The following PNPLA7 variants were observed in gnomAD, a reference collection of about 807,000 sequenced individuals.
PNPLA7 encodes patatin like domain 7, lysophospholipase.
In PNPLA7, 153 loss-of-function variants were observed where a neutral mutation model predicts 161.7. That is an observed-to-expected ratio of 0.95 (90% CI 0.83 to 1.08). PNPLA7 has a LOEUF of 1.08. Ranked by LOEUF, PNPLA7 falls within the 50% of genes least tolerant of loss-of-function variation. The probability of loss-of-function intolerance (pLI) is 0.00; values close to 1 mark genes in which losing one functional copy is unlikely to be tolerated. For synonymous variants in PNPLA7, 809 were observed against 782.1 expected (o/e 1.03, Z -0.57); for missense variants, 1,739 against 1,856.6 (o/e 0.94, Z 1.16).
In PNPLA7 at chr9:137,510,660, C is replaced by T. The variant is rs547542588; in HGVS notation, c.1226-4577G>A. 5.9e-5 allele frequency among the ~76,000 whole-genome samples: 9 copies of T among 152,298 alleles called. No homozygotes were observed. The South Asian group carries it at 1.2e-3, about 21-fold the overall frequency. On this transcript the variant is annotated intron_variant, in intron 12 of 34. Coordinates refer to ENST00000406427, the MANE Select transcript of PNPLA7 (RefSeq NM_001098537.3). The stretch of plus-strand genomic sequence containing the variant: ...CTGCACATTGGTGGTAGTGGTCCCC[C>T]GGGCCCAGCTGCCTTTTCTCTTATC...
At chr9:137,469,002 C>T (rs1831598911) in intron 25 of PNPLA7, among the ~76,000 whole-genome samples, 1 of 152,058 alleles carries the variant, frequency 6.6e-6, no homozygotes, top group Non-Finnish European at 1.5e-5. Flanking sequence ...CAAGATCGCA[C>T]CATTGCACTC....
chr9:137,461,439 G>C, intron 33 of PNPLA7, 97 bp downstream of exon 33: 2 of 1,292,088 alleles, frequency 1.5e-6, no homozygotes, highest in Non-Finnish European at 2.1e-6. Flanking sequence ...TGGGCGGGAG[G>C]GGAGGCCGTG....
chr9:137,478,441 A>AGTGGGCCC (rs1832046946), intron 24 of PNPLA7: 3 of 304,708 alleles, frequency 9.8e-6, no homozygotes, highest in African/African-American at 2.3e-5. Flanking sequence ...GGGGGCCAGA[A>AGTGGGCCC]GGCATCCTCA....
At chr9:137,470,453 C>T (rs778985712) in intron 25 of PNPLA7, among the ~76,000 whole-genome samples, 6 of 152,106 alleles carry the variant, frequency 3.9e-5, no homozygotes, top group African/African-American at 9.7e-5. Flanking sequence ...CTGAGCGCAG[C>T]GGCTCACACT....
At chr9:137,527,237 C>T (rs1459277688) in intron 8 of PNPLA7, among the ~76,000 whole-genome samples, 4 of 150,758 alleles carry the variant, frequency 2.7e-5, no homozygotes, top group East Asian at 1.9e-4. Context: ...CACTGCACTC[C>T]GGCCTGGGAG....
At position 137,497,267 on chromosome 9, in the gene PNPLA7, G is replaced by A. The variant is rs1488505785; in HGVS notation, c.1933C>T (p.Arg645Trp). 2.5e-6 allele frequency: 4 copies of A among 1,588,186 alleles called. No homozygotes were observed. The highest frequency in any genetic ancestry group is 1.7e-6 in the Non-Finnish European group (2 of 1,168,046). Residue 645 changes from arginine (R) to tryptophan (W), a missense_variant, in exon 18 of 35, where the codon CGG becomes TGG. Physicochemically the swap from Arg to Trp is moderately radical, Grantham distance 101. Around this residue, in one of 6 missense-constraint regions of PNPLA7, gnomAD observed 481 missense variants for 450.0 expected, o/e 1.07. Transcript: ENST00000406427. ...SDCTYIMLSG[R>W]LRSVIRKDDG... ...TCCTTCCGGATCACAGAGCGCAGCC[G>A]GCCGCTGAGCATGATGTACGTGCAG... is the stretch of plus-strand genomic sequence containing the variant.
intron 11 of PNPLA7, among the ~76,000 whole-genome samples, chr9:137,516,160 T>C (rs1588658277): frequency 8.6e-6 from 1 of 116,194 alleles, no homozygotes; most frequent in Middle Eastern, 4.0e-3. Flanking sequence ...GCTGCCCTGA[T>C]TGTCCTGCTG....
chr9:137,550,057 A>G, intron 1 of PNPLA7, 111 bp downstream of exon 1: 1 of 1,356,272 alleles, frequency 7.4e-7, no homozygotes, highest in Non-Finnish European at 1.1e-6. Context: ...GGCGCCAAGA[A>G]GCCACGGGGC....
Position 137,524,394 on chromosome 9 carries a change from G to A in PNPLA7, c.748-1537C>T, listed in dbSNP as rs971934051. 1.3e-5 allele frequency among the ~76,000 whole-genome samples: 2 copies of A among 151,328 alleles called. No homozygotes were observed. Among genetic ancestry groups the A allele is most frequent in the African/African-American group, 4.9e-5 (2 of 41,124 alleles). ...GAGGCCTGTGCCTTGGCTCCTGAGT[G>A]CTGGCTGCCTCATGGAGGCCTTGCA... On this transcript the variant is annotated intron_variant, in intron 8 of 34. Transcript: ENST00000406427. This position sits in a 1 kb window ranked among gnomAD's most constrained non-coding sequence, Gnocchi z 4.4.
intron 21 of PNPLA7, among the ~76,000 whole-genome samples, chr9:137,481,414 G>A (rs576250883): frequency 3.9e-5 from 6 of 152,330 alleles, no homozygotes; most frequent in Middle Eastern, 3.4e-3. Context: ...CCAGATCATC[G>A]AGGTGCCAGA....
At chr9:137,542,875 A>C in intron 6 of PNPLA7, 74 bp from the exon 7 acceptor site, 1 of 1,512,044 alleles carries the variant, frequency 6.6e-7, no homozygotes, top group Non-Finnish European at 9.0e-7. Context: ...TCTCGAGAGC[A>C]CACGGTCACT....
intron 12 of PNPLA7, among the ~76,000 whole-genome samples, chr9:137,514,387 T>G (rs1834403486): frequency 7.3e-6 from 1 of 137,596 alleles, no homozygotes; most frequent in South Asian, 2.4e-4. Flanking sequence ...CTGGGCCCTG[T>G]GGCTGGGCTG....
At chr9:137,503,918 G>GGAAGAAGAAGGAA (rs1564325287) in intron 14 of PNPLA7, among the ~76,000 whole-genome samples, 1 of 15,240 alleles carries the variant, frequency 6.6e-5, no homozygotes, top group Non-Finnish European at 1.3e-4. Context: ...GAAAGAAGAA[G>GGAAGAAGAAGGAA]GAAGAAGAAG....
Position 137,546,915 on chromosome 9 carries a change from G to C in PNPLA7, c.194-6C>G, listed in dbSNP as rs1257582909. 2 of 1,613,464 alleles carry C rather than the reference G, an allele frequency of 1.2e-6. No homozygotes were observed. The highest frequency in any genetic ancestry group is 3.3e-5 in the Admixed American group (2 of 60,018). ...AGGAGTGGGCTGTGCTTGTCCTGCA[G>C]GGGAGTAAAGGGATGGCCTGAGGTA... On this transcript the variant is annotated splice_region_variant and splice_polypyrimidine_tract_variant and intron_variant, in intron 3 of 34. Coordinates refer to ENST00000406427, the MANE Select transcript of PNPLA7 (RefSeq NM_001098537.3).
chr9:137,514,548 G>A (rs1161233000), intron 12 of PNPLA7, among the ~76,000 whole-genome samples: 13 of 145,230 alleles, frequency 9.0e-5, no homozygotes, highest in Non-Finnish European at 1.1e-4. Flanking sequence ...CGGGTCACCC[G>A]GATGTTGAGG....
intron 32 of PNPLA7, 137 bp from the exon 33 acceptor site, chr9:137,461,757 C>T (rs536740326): frequency 5.9e-6 from 7 of 1,196,280 alleles, no homozygotes; most frequent in African/African-American, 4.6e-5. Flanking sequence ...GGGCAGGGAC[C>T]GGGGAGATGC....
chr9:137,479,559 G>T (rs1564292366), intron 23 of PNPLA7: 1 of 1,074,994 alleles, frequency 9.3e-7, no homozygotes, highest in Non-Finnish European at 1.1e-6. Flanking sequence ...TCTCACAAGG[G>T]AGCATCACTA....
intron 17 of PNPLA7, 38 bp from the exon 18 acceptor site, chr9:137,497,348 C>T (rs1833120152): frequency 1.4e-6 from 2 of 1,462,464 alleles, no homozygotes; most frequent in Non-Finnish European, 1.8e-6. Context: ...CCTGGGCCCC[C>T]AGCCTCAGCC....
chr9:137,502,938 G>GGA (rs1828032993), intron 14 of PNPLA7, among the ~76,000 whole-genome samples: 1 of 151,874 alleles, frequency 6.6e-6, no homozygotes, highest in African/African-American at 2.4e-5. Context: ...TCAAGGGGGG[G>GGA]CACCCGAACG....
Sources: allele counts gnomAD v4.1 joint callset (sites outside exome capture counted in the v4.1 genomes callset), GRCh38; gene constraint gnomAD v4.1.1; regional missense constraint gnomAD v4.1.1; non-coding constraint Gnocchi (gnomAD v3.1); transcripts MANE v1.5; gene names NCBI Gene and HGNC (gene_info 2026-07-23, HGNC 2026-07-21).